The following PTPRN2 variants were observed in gnomAD, a reference collection of about 807,000 sequenced individuals.
PTPRN2 encodes receptor-type tyrosine-protein phosphatase N2.
In PTPRN2, 74 loss-of-function variants were observed where a neutral mutation model predicts 118.8. The ratio of observed to expected loss-of-function variants is 0.62; its 90% CI spans 0.52 to 0.76. The LOEUF is 0.76. Among genes scored for constraint, PTPRN2 ranks in the 30% least tolerant of loss-of-function variants. The probability of loss-of-function intolerance (pLI) is 0.00; values close to 1 mark genes in which losing one functional copy is unlikely to be tolerated. For missense variants in PTPRN2, 1,481 were observed against 1,394.4 expected (o/e 1.06, Z -0.99); for synonymous variants, 641 against 608.0 (o/e 1.05, Z -0.80).
At chr7:158,449,471 C>A (rs544516728) in intron 2 of PTPRN2, among the ~76,000 whole-genome samples, 1 of 152,202 alleles carries the variant, frequency 6.6e-6, no homozygotes, top group Non-Finnish European at 1.5e-5. Flanking sequence ...AGACACACAG[C>A]GCAGTCTGAG....
chr7:158,085,379 C>T (rs1192872831), intron 10 of PTPRN2, among the ~76,000 whole-genome samples: 2 of 92,762 alleles, frequency 2.2e-5, no homozygotes, highest in Admixed American at 1.1e-4. Context: ...CCCATCCACA[C>T]ATGCCCATCC....
At chr7:158,394,642 C>A (rs547790918) in intron 2 of PTPRN2, among the ~76,000 whole-genome samples, 1 of 152,366 alleles carries the variant, frequency 6.6e-6, no homozygotes, top group South Asian at 2.1e-4. Flanking sequence ...AAAACTCACT[C>A]ATTGATGAGG....
At position 157,632,191 on chromosome 7, in the gene PTPRN2, C is replaced by G. The variant is rs1041992575; in HGVS notation, c.2197-10682G>C. On this transcript the variant is annotated intron_variant, in intron 14 of 22. Transcript: ENST00000389418. This position sits in a 1 kb window ranked among gnomAD's most constrained non-coding sequence, Gnocchi z 4.3. The stretch of plus-strand genomic sequence containing the variant: ...TGACAAAGGAGTTCTTACACAATGC[C>G]CAGGTGACCTGCAGGGTACTTCCTG... 2.7e-4 allele frequency among the ~76,000 whole-genome samples: 41 copies of G among 152,200 alleles called. No individual in the cohort carries two copies. The highest frequency in any genetic ancestry group is 5.7e-4 in the Non-Finnish European group (39 of 68,010).
chr7:158,573,731 C>G lies in PTPRN2; in HGVS notation c.112+13827G>C, dbSNP rs143831073. Among the ~76,000 whole-genome samples, 139 of 152,282 alleles carry G rather than the reference C, an allele frequency of 9.1e-4. 1 individual carries two copies. Among genetic ancestry groups the G allele is most frequent in the African/African-American group, 3.1e-3 (128 of 41,538 alleles). On this transcript the variant is annotated intron_variant, in intron 1 of 22. Coordinates refer to ENST00000389418, the MANE Select transcript of PTPRN2 (RefSeq NM_002847.5). Reference sequence around the variant, plus strand: ...CATTTATTCAGCAAAAATTACTGAACATATATATTGACATATGCCCACTCT... The same window carrying G: ...CATTTATTCAGCAAAAATTACTGAAGATATATATTGACATATGCCCACTCT...
chr7:157,769,261 C>T (rs368331121), intron 12 of PTPRN2, among the ~76,000 whole-genome samples: 81 of 152,312 alleles, frequency 5.3e-4, no homozygotes, highest in African/African-American at 1.9e-3. Flanking sequence ...CCACTCCCGA[C>T]GGCATCCAGG....
At chr7:158,050,299 A>C (rs139703052) in intron 11 of PTPRN2, among the ~76,000 whole-genome samples, 1 of 152,206 alleles carries the variant, frequency 6.6e-6, no homozygotes, top group East Asian at 1.9e-4. Context: ...TCAATGAAAA[A>C]CTTAATTCAT....
Position 157,861,589 on chromosome 7 carries a change from G to T in PTPRN2, c.1788+37084C>A, listed in dbSNP as rs1282078046. ...AGCCGAGCTGTGTGAGGCTTTTGGGGCTGCCAGAACAAAGGACTCCAGACG... is the reference window on the plus strand; with the variant it reads ...AGCCGAGCTGTGTGAGGCTTTTGGGTCTGCCAGAACAAAGGACTCCAGACG... On this transcript the variant is annotated intron_variant, in intron 12 of 22. Transcript: ENST00000389418. This position sits in a 1 kb window ranked among gnomAD's most constrained non-coding sequence, Gnocchi z 5.8. Among the ~76,000 whole-genome samples, 1 of 152,196 alleles carries T rather than the reference G, an allele frequency of 6.6e-6. No individual in the cohort carries two copies. Among genetic ancestry groups the T allele is most frequent in the Non-Finnish European group, 1.5e-5 (1 of 68,034 alleles).
chr7:158,254,873 T>G (rs975149621), intron 3 of PTPRN2, among the ~76,000 whole-genome samples: 11 of 152,254 alleles, frequency 7.2e-5, no homozygotes, highest in African/African-American at 2.7e-4. Context: ...TTCTTAGACA[T>G]GTCTACTTTC....
At position 157,930,763 on chromosome 7, in the gene PTPRN2, G is replaced by A. The variant is rs145979274; in HGVS notation, c.1724-32026C>T. Among the ~76,000 whole-genome samples, 1,150 of 152,304 alleles carry A rather than the reference G, an allele frequency of 7.6e-3. 6 individuals carry two copies. The highest frequency in any genetic ancestry group is 9.9e-3 in the Non-Finnish European group (670 of 68,016). ...CAGGTGAGCCAACATGGGAGTGGGC[G>A]TGCCACACTTCCCAGGCTGCTCACA... On this transcript the variant is annotated intron_variant, in intron 11 of 22. Coordinates refer to ENST00000389418, the MANE Select transcript of PTPRN2 (RefSeq NM_002847.5).
At chr7:158,047,475 G>T (rs1808966560) in intron 11 of PTPRN2, among the ~76,000 whole-genome samples, 1 of 152,208 alleles carries the variant, frequency 6.6e-6, no homozygotes, top group African/African-American at 2.4e-5. Context: ...TGCAGTCACT[G>T]AGCGTGTGAG....
At chr7:157,673,703 C>T (rs180799272) in intron 13 of PTPRN2, among the ~76,000 whole-genome samples, 60 of 152,174 alleles carry the variant, frequency 3.9e-4, no homozygotes, top group Middle Eastern at 3.4e-3. Flanking sequence ...GCTCCTCTCC[C>T]GCCCCACAGA....
At position 158,071,697 on chromosome 7, in the gene PTPRN2, G is replaced by A. The variant is rs1234736624; in HGVS notation, c.1723+9601C>T. Among the ~76,000 whole-genome samples, 34 of 116,060 alleles carry A rather than the reference G, an allele frequency of 2.9e-4. 1 individual carries two copies. Among genetic ancestry groups the A allele is most frequent in the African/African-American group, 7.4e-4 (22 of 29,614 alleles). The allele number at this position is 116,060 out of a possible 152,430, so 76.1% of individuals were successfully genotyped here. A position where few individuals can be genotyped will look rare whatever the true frequency, so the allele number is the denominator to read the frequency against. ...GGAGGTGCTCCTGGTGGAGGTGCTT[G>A]TGGTGGAGGTGCTCCTGGTGGTGGA... On this transcript the variant is annotated intron_variant, in intron 11 of 22. Transcript: ENST00000389418.
chr7:158,456,762 G>A (rs1270617178), intron 2 of PTPRN2, among the ~76,000 whole-genome samples: 1 of 152,218 alleles, frequency 6.6e-6, no homozygotes, highest in Non-Finnish European at 1.5e-5. Flanking sequence ...TCTAGCAAAT[G>A]AGGACTTATC....
At chr7:158,484,990 G>T (rs929843397) in intron 2 of PTPRN2, among the ~76,000 whole-genome samples, 2 of 152,138 alleles carry the variant, frequency 1.3e-5, no homozygotes, top group Non-Finnish European at 2.9e-5. Context: ...GAGCGCAAGG[G>T]CACCCCTCCC....
At chr7:158,476,367 A>C (rs768732907) in intron 2 of PTPRN2, among the ~76,000 whole-genome samples, 1 of 152,260 alleles carries the variant, frequency 6.6e-6, no homozygotes, top group African/African-American at 2.4e-5. Context: ...TTACAAAGCC[A>C]CACCAGATAG....
At chr7:158,539,842 T>C (rs1401791578) in intron 1 of PTPRN2, 6 of 218,906 alleles carry the variant, frequency 2.7e-5, no homozygotes, top group Non-Finnish European at 5.4e-5. Context: ...GGAGACATAC[T>C]GTGAGCCTGG....
At chr7:157,768,244 CAG>C (rs1761438336) in intron 12 of PTPRN2, among the ~76,000 whole-genome samples, 1 of 152,204 alleles carries the variant, frequency 6.6e-6, no homozygotes, top group African/African-American at 2.4e-5. Flanking sequence ...ACAGGAGATG[CAG>C]AGAGAGTGAG....
intron 21 of PTPRN2, among the ~76,000 whole-genome samples, chr7:157,566,362 C>T (rs1236534470): frequency 6.6e-6 from 1 of 152,222 alleles, no homozygotes; most frequent in Non-Finnish European, 1.5e-5. Flanking sequence ...TCCAGCTTCT[C>T]AGGCCAGACA....
intron 10 of PTPRN2, among the ~76,000 whole-genome samples, chr7:158,090,328 C>T (rs1163662033): frequency 6.6e-6 from 1 of 152,238 alleles, no homozygotes; most frequent in Admixed American, 6.5e-5. Flanking sequence ...TAGGAGTCAT[C>T]TCCCAATTGG....
Sources: gnomAD v4.1 joint callset for allele counts (sites outside exome capture counted in the v4.1 genomes callset) on GRCh38, gnomAD v4.1.1 for gene constraint, Gnocchi (gnomAD v3.1) non-coding constraint, MANE v1.5 for transcripts, NCBI Gene and HGNC (gene_info 2026-07-23, HGNC 2026-07-21) for gene names.